Variants in BOC observed in about 807,000 individuals in gnomAD.
The protein encoded by BOC is BOC cell adhesion associated, oncogene regulated.
BOC carries 76 observed loss-of-function variants against 112.0 expected under a neutral mutation model. The observed-to-expected ratio is 0.68, with a 90% CI of 0.56 to 0.82. BOC has a LOEUF of 0.82. Ranked by LOEUF, BOC falls within the 40% of genes least tolerant of loss-of-function variation. The pLI is 0.00. For missense variants in BOC, 1,309 were observed against 1,511.7 expected, an observed-to-expected ratio of 0.87 and a Z score of 2.22; for synonymous variants, 580 against 599.8, an observed-to-expected ratio of 0.97 and a Z score of 0.48.
chr3:113,240,256 A>C (rs1944113572), intron 2 of BOC, among the ~76,000 whole-genome samples: 2 of 152,202 alleles, frequency 1.3e-5, no homozygotes, highest in African/African-American at 4.8e-5. Context: ...AAGGCAAAAA[A>C]CAACAACAAC....
At chr3:113,267,010 C>T (rs1947554204) in intron 4 of BOC, among the ~76,000 whole-genome samples, 1 of 152,188 alleles carries the variant, frequency 6.6e-6, no homozygotes, top group Admixed American at 6.5e-5. Flanking sequence ...CCACTGGAAA[C>T]AACAGCAGAG....
At chr3:113,272,773 A>G in intron 7 of BOC, 70 bp downstream of exon 7, 1 of 1,540,840 alleles carries the variant, frequency 6.5e-7, no homozygotes, top group Admixed American at 1.8e-5. Flanking sequence ...CTAGAAATGT[A>G]ACCCAGGCTC....
intron 2 of BOC, among the ~76,000 whole-genome samples, chr3:113,224,427 A>G (rs971345904): frequency 1.3e-5 from 2 of 152,218 alleles, no homozygotes; most frequent in Non-Finnish European, 2.9e-5. Flanking sequence ...AACACTCACC[A>G]GCCACTCTCA....
intron 2 of BOC, among the ~76,000 whole-genome samples, chr3:113,229,469 C>A (rs144617352): frequency 1.8e-3 from 269 of 152,300 alleles, no homozygotes; most frequent in African/African-American, 6.4e-3. Flanking sequence ...TTGTTCCTGG[C>A]CCCAGTCAGC....
At chr3:113,227,719 C>T (rs185654746) in intron 2 of BOC, among the ~76,000 whole-genome samples, 13 of 151,916 alleles carry the variant, frequency 8.6e-5, no homozygotes, top group East Asian at 5.8e-4. Flanking sequence ...TCTAGTTATC[C>T]GACTGAAAAC....
chr3:113,279,097 G>C lies in BOC; in HGVS notation c.1817-152G>C, dbSNP rs963105842. 13 of 799,014 alleles carry C rather than the reference G, an allele frequency of 1.6e-5. No homozygotes were observed. The African/African-American group carries it at 2.3e-4, about 14-fold the overall frequency. The allele number at this position is 799,014 out of a possible 1,614,324, so 49.5% of individuals were successfully genotyped here. A position where few individuals can be genotyped will look rare whatever the true frequency, so the allele number is the denominator to read the frequency against. ...AGCCCAGGCAGCCGTGGGGAGGTCT[G>C]ATGTGAACACCAGTGGGTGGAGGGC... On this transcript the variant is annotated intron_variant, in intron 11 of 19. Coordinates refer to ENST00000682979, the MANE Select transcript of BOC (RefSeq NM_001378074.1).
chr3:113,253,379 T>C (rs1164195759), intron 4 of BOC, among the ~76,000 whole-genome samples: 1 of 151,754 alleles, frequency 6.6e-6, no homozygotes, highest in Non-Finnish European at 1.5e-5. Flanking sequence ...CATTTGAGGT[T>C]GGGATTTTGA....
chr3:113,279,160 C>A, intron 11 of BOC, 89 bp from the exon 12 acceptor site: 2 of 1,369,098 alleles, frequency 1.5e-6, no homozygotes, highest in Non-Finnish European at 2.0e-6. Flanking sequence ...CAGGCCAGGC[C>A]CAGTGGGCAT....
intron 6 of BOC, chr3:113,271,311 G>A (rs752874997): frequency 2.8e-4 from 128 of 454,796 alleles, no homozygotes; most frequent in Non-Finnish European, 5.0e-4. Flanking sequence ...AGATGGCCAC[G>A]TGGGAGGCCT....
chr3:113,242,487 TCTC>T (rs1310435660), intron 2 of BOC, among the ~76,000 whole-genome samples: 1 of 152,040 alleles, frequency 6.6e-6, no homozygotes, highest in Non-Finnish European at 1.5e-5. Context: ...TAAGACCTCT[TCTC>T]CTTGACTCAG....
intron 13 of BOC, 51 bp from the exon 14 acceptor site, chr3:113,280,507 A>G (rs1297257487): frequency 7.5e-7 from 1 of 1,336,446 alleles, no homozygotes; most frequent in Admixed American, 1.7e-5. Flanking sequence ...TTTTGCTTTG[A>G]TGATGTTTTC....
chr3:113,247,551 A>G (rs1945084479), intron 2 of BOC, among the ~76,000 whole-genome samples: 1 of 151,842 alleles, frequency 6.6e-6, no homozygotes, highest in Non-Finnish European at 1.5e-5. Context: ...TAAAAAGCAC[A>G]GAGTTTGGGA....
chr3:113,216,137 C>A, intron 1 of BOC, 50 bp from the exon 2 acceptor site: 1 of 435,286 alleles, frequency 2.3e-6, no homozygotes, highest in East Asian at 7.1e-5. Context: ...GCAAATACTT[C>A]AGAACTGTTT....
chr3:113,241,566 T>C (rs1337034192), intron 2 of BOC, among the ~76,000 whole-genome samples: 1 of 151,884 alleles, frequency 6.6e-6, no homozygotes, highest in Non-Finnish European at 1.5e-5. Flanking sequence ...CCAGGACCTT[T>C]TGAAAGGAAG....
At chr3:113,228,364 G>C (rs1942023325) in intron 2 of BOC, among the ~76,000 whole-genome samples, 1 of 152,070 alleles carries the variant, frequency 6.6e-6, no homozygotes, top group African/African-American at 2.4e-5. Context: ...GGAGTACAGG[G>C]CTCCTGATTT....
rs79963484 is a variant in BOC, at chr3:113,229,738, A to G, written c.-82+13464A>G. Among the ~76,000 whole-genome samples the G allele has an allele frequency of 7.2e-3, 1,099 of 152,382 alleles. 8 individuals are homozygous for G. Among genetic ancestry groups the G allele is most frequent in the African/African-American group, 0.025 (1,032 of 41,588 alleles). ...GAGAAAAAATATGTATTTTAGCTTT[A>G]AAAATTATAAGAATTTCTTTGAAAT... On this transcript the variant is annotated intron_variant, in intron 2 of 19. Coordinates refer to ENST00000682979, the MANE Select transcript of BOC (RefSeq NM_001378074.1).
At position 113,287,071 on chromosome 3, in the gene BOC, C is replaced by T; in HGVS notation, c.*209C>T. On this transcript the variant is annotated 3_prime_UTR_variant, in exon 20 of 20. Transcript: ENST00000682979. ...AGGTTGGAGAGGGAAAATAAAGAAG[C>T]TGCCACCTAACAGGAGTCACCCAGG... 3.2e-6 allele frequency: 2 copies of T among 629,888 alleles called. No individual in the cohort carries two copies. The highest frequency in any genetic ancestry group is 3.0e-5 in the South Asian group (2 of 66,682). The allele number at this position is 629,888 out of a possible 1,614,324, so 39.0% of individuals were successfully genotyped here.
At chr3:113,248,561 T>C (rs1417104112) in intron 2 of BOC, among the ~76,000 whole-genome samples, 3 of 152,230 alleles carry the variant, frequency 2.0e-5, no homozygotes, top group Non-Finnish European at 2.9e-5. Flanking sequence ...CGAACTCATT[T>C]CAATGCCTCC....
In BOC at chr3:113,271,118, G is replaced by A. The variant is rs945808313; in HGVS notation, c.667+174G>A. ...TCAGCCAGGGATTCTCTCCCCTCTG[G>A]CCGGCCTCAGGGCCAGCATCTCACA... On this transcript the variant is annotated intron_variant, in intron 6 of 19. Coordinates refer to ENST00000682979, the MANE Select transcript of BOC (RefSeq NM_001378074.1). 17 of 930,152 alleles carry A rather than the reference G, an allele frequency of 1.8e-5. No individual in the cohort carries two copies. The African/African-American group carries it at 2.6e-4, about 14-fold the overall frequency. The allele number at this position is 930,152 out of a possible 1,614,324, so 57.6% of individuals were successfully genotyped here.
Sources: gnomAD v4.1 joint callset for allele counts (sites outside exome capture counted in the v4.1 genomes callset) on GRCh38, gnomAD v4.1.1 for gene constraint, MANE v1.5 for transcripts, NCBI Gene and HGNC (gene_info 2026-07-23, HGNC 2026-07-21) for gene names.